The following FAM135B variants were observed in gnomAD, a reference collection of about 807,000 sequenced individuals.
The protein encoded by FAM135B is protein FAM135B.
In FAM135B, 43 loss-of-function variants were observed where a neutral mutation model predicts 127.7. That is an observed-to-expected ratio of 0.34 (90% confidence interval 0.26 to 0.43). The LOEUF is 0.43. FAM135B is among the 20% of genes least tolerant of loss of function. The probability of loss-of-function intolerance (pLI) is 1.00; values close to 1 mark genes in which losing one functional copy is unlikely to be tolerated. For missense variants in FAM135B, 1,558 were observed against 1,725.6 expected (o/e 0.90, Z 1.72); for synonymous variants, 670 against 665.1 (o/e 1.01, Z -0.11).
chr8:138,396,112 T>C (rs922832885), intron 1 of FAM135B, among the ~76,000 whole-genome samples: 1 of 152,172 alleles, frequency 6.6e-6, no homozygotes, highest in African/African-American at 2.4e-5. Context: ...GGAAAGAGCA[T>C]GAGCTTTGGG....
At chr8:138,149,134 A>C (rs1817904436) in intron 13 of FAM135B, among the ~76,000 whole-genome samples, 4 of 83,846 alleles carry the variant, frequency 4.8e-5, no homozygotes, top group African/African-American at 1.9e-4. Flanking sequence ...TATAATAATA[A>C]AAAAATAAAT....
At chr8:138,307,408 A>G (rs765282913) in intron 3 of FAM135B, among the ~76,000 whole-genome samples, 4 of 152,154 alleles carry the variant, frequency 2.6e-5, no homozygotes, top group Non-Finnish European at 5.9e-5. Context: ...TGTCTTTATC[A>G]GCAGCATGAA....
intron 2 of FAM135B, among the ~76,000 whole-genome samples, chr8:138,335,674 A>T (rs1052769055): frequency 3.9e-5 from 6 of 152,160 alleles, no homozygotes; most frequent in Non-Finnish European, 5.9e-5. Flanking sequence ...TTAACACCCC[A>T]CTGTCAACAT....
At chr8:138,319,736 C>T (rs948433878) in intron 2 of FAM135B, among the ~76,000 whole-genome samples, 4 of 152,094 alleles carry the variant, frequency 2.6e-5, no homozygotes, top group African/African-American at 9.7e-5. Context: ...ACCCCCCAAC[C>T]CCTGACATAC....
intron 2 of FAM135B, among the ~76,000 whole-genome samples, chr8:138,347,011 A>C (rs945082864): frequency 2.0e-5 from 3 of 152,232 alleles, no homozygotes; most frequent in Non-Finnish European, 2.9e-5. Context: ...ACTAATATCT[A>C]GCACCCTGAT....
At chr8:138,412,709 A>C (rs1422832460) in intron 1 of FAM135B, among the ~76,000 whole-genome samples, 1 of 152,226 alleles carries the variant, frequency 6.6e-6, no homozygotes, top group African/African-American at 2.4e-5. Flanking sequence ...ACAATGGATA[A>C]TACATGATTT....
At position 138,152,918 on chromosome 8, in the gene FAM135B, C is replaced by A. The variant is rs573970574; in HGVS notation, c.1557G>T (p.Trp519Cys). 1.2e-6 allele frequency: 2 copies of A among 1,614,210 alleles called. No homozygotes were observed. Among genetic ancestry groups the A allele is most frequent in the East Asian group, 2.2e-5 (1 of 44,872 alleles). Residue 519 changes from tryptophan to cysteine, a missense_variant, in exon 13 of 20, where the codon TGG becomes TGT. Transcript: ENST00000395297. ...TCCCAGCATCAGATGTTTGGCCAGT[C>A]CAACATTCATCTTCAGGCACACCTG... ...NKAGVPEDEC[W>C]TGQTSDAGTY...
intron 1 of FAM135B, among the ~76,000 whole-genome samples, chr8:138,490,205 G>A (rs982145298): frequency 2.0e-5 from 3 of 152,192 alleles, no homozygotes; most frequent in Non-Finnish European, 1.5e-5. Context: ...ATTCATATCA[G>A]AGTTAACCCT....
intron 1 of FAM135B, among the ~76,000 whole-genome samples, chr8:138,487,547 A>C (rs960506032): frequency 1.4e-5 from 2 of 144,752 alleles, no homozygotes; most frequent in East Asian, 2.1e-4. Context: ...ATGGCCCAGC[A>C]CCCACCCGTG....
At chr8:138,341,685 C>T (rs148225498) in intron 2 of FAM135B, among the ~76,000 whole-genome samples, 140 of 152,262 alleles carry the variant, frequency 9.2e-4, no homozygotes, top group East Asian at 7.9e-3. Flanking sequence ...CCCCTGGAAT[C>T]GTCTCTCTAC....
chr8:138,177,506 A>T (rs1814586956), intron 10 of FAM135B, 86 bp from the exon 11 acceptor site: 2 of 1,181,816 alleles, frequency 1.7e-6, no homozygotes, highest in East Asian at 5.1e-5. Context: ...GCTCAAAAAG[A>T]TGAATGATAT....
chr8:138,487,192 T>A (rs1815015585), intron 1 of FAM135B, among the ~76,000 whole-genome samples: 1 of 152,158 alleles, frequency 6.6e-6, no homozygotes, highest in African/African-American at 2.4e-5. Flanking sequence ...GAAGACCTGC[T>A]GTTTTAGTTT....
intron 15 of FAM135B, among the ~76,000 whole-genome samples, chr8:138,145,041 G>A (rs1159193613): frequency 3.3e-5 from 5 of 152,012 alleles, no homozygotes; most frequent in Admixed American, 3.3e-4. Flanking sequence ...TTGAGACAGG[G>A]TCTTGCTCTT....
chr8:138,231,458 A>T (rs936396729), intron 7 of FAM135B, among the ~76,000 whole-genome samples: 3 of 152,184 alleles, frequency 2.0e-5, no homozygotes, highest in Non-Finnish European at 4.4e-5. Context: ...GTGCAAAATA[A>T]ATGGCTTAGA....
chr8:138,414,308 T>C (rs1378347745), intron 1 of FAM135B, among the ~76,000 whole-genome samples: 2 of 152,034 alleles, frequency 1.3e-5, no homozygotes, highest in Non-Finnish European at 2.9e-5. Context: ...CTGAACCATA[T>C]GTGCCTGCAT....
chr8:138,332,654 G>T (rs1828270746), intron 2 of FAM135B, among the ~76,000 whole-genome samples: 1 of 151,966 alleles, frequency 6.6e-6, no homozygotes, highest in African/African-American at 2.4e-5. Context: ...TGAAAAGCAG[G>T]GGCGTGTGGT....
At chr8:138,154,822 G>C (rs7831290) in intron 12 of FAM135B, among the ~76,000 whole-genome samples, 4 of 151,880 alleles carry the variant, frequency 2.6e-5, no homozygotes, top group Admixed American at 1.3e-4. Flanking sequence ...CATCTAATTC[G>C]TGTACCTGAA....
chr8:138,167,736 A>C (rs1586665271), intron 12 of FAM135B, among the ~76,000 whole-genome samples, 159 bp downstream of exon 12: 1 of 147,992 alleles, frequency 6.8e-6, no homozygotes, highest in South Asian at 2.1e-4. Context: ...CATGGAAACA[A>C]AGTCATTTCA....
chr8:138,266,769 C>T (rs1258157706), intron 3 of FAM135B, among the ~76,000 whole-genome samples: 2 of 121,444 alleles, frequency 1.6e-5, no homozygotes, highest in Non-Finnish European at 3.5e-5. Context: ...CATGTAAATA[C>T]ATATATATAC....
Sources: allele counts gnomAD v4.1 joint callset (sites outside exome capture counted in the v4.1 genomes callset), GRCh38; gene constraint gnomAD v4.1.1; transcripts MANE v1.5; gene names NCBI Gene and HGNC (gene_info 2026-07-23, HGNC 2026-07-21).